LAMA2: variants seen among roughly 807,000 people sequenced by gnomAD.
LAMA2 encodes laminin subunit alpha 2, also known as laminin subunit alpha-2.
Under a neutral mutation model 364.8 loss-of-function variants are expected in LAMA2, and 269 were observed. The observed-to-expected ratio is 0.74, with a 90% CI of 0.67 to 0.82. The LOEUF is 0.82. LAMA2 is among the 40% of genes least tolerant of loss of function. LAMA2 has a pLI of 0.00. For missense variants in LAMA2, 3,807 were observed against 3,873.2 expected, an observed-to-expected ratio of 0.98 and a Z score of 0.45; for synonymous variants, 1,379 against 1,370.6, an observed-to-expected ratio of 1.01 and a Z score of -0.14.
intron 48 of LAMA2, among the ~76,000 whole-genome samples, chr6:129,457,505 C>T (rs960882931): frequency 6.6e-6 from 1 of 151,994 alleles, no homozygotes; most frequent in Non-Finnish European, 1.5e-5. Context: ...AGTCACTTAA[C>T]CCCTTGGGCT....
At chr6:129,226,288 A>G (rs1784269543) in intron 12 of LAMA2, among the ~76,000 whole-genome samples, 1 of 152,138 alleles carries the variant, frequency 6.6e-6, no homozygotes, top group Non-Finnish European at 1.5e-5. Flanking sequence ...GTCTTTATCC[A>G]ATTTGCCAGT....
intron 16 of LAMA2, among the ~76,000 whole-genome samples, chr6:129,268,285 T>C (rs1787652345): frequency 6.6e-6 from 1 of 152,084 alleles, no homozygotes; most frequent in Non-Finnish European, 1.5e-5. Context: ...TTTTTATGAA[T>C]AGAAAGACTA....
chr6:129,056,556 A>G (rs1287948990), intron 2 of LAMA2, among the ~76,000 whole-genome samples: 3 of 152,176 alleles, frequency 2.0e-5, no homozygotes, highest in Admixed American at 6.5e-5. Flanking sequence ...GTACAGTCAT[A>G]TTAAGATTTG....
intron 1 of LAMA2, among the ~76,000 whole-genome samples, chr6:129,021,403 A>C (rs966526065): frequency 6.6e-6 from 1 of 152,198 alleles, no homozygotes; most frequent in Non-Finnish European, 1.5e-5. Flanking sequence ...TTTCAAGTAG[A>C]TTGTAATTGG....
At chr6:129,219,142 G>A (rs1264494029) in intron 12 of LAMA2, among the ~76,000 whole-genome samples, 1 of 152,154 alleles carries the variant, frequency 6.6e-6, no homozygotes, top group Non-Finnish European at 1.5e-5. Flanking sequence ...ATCCATAGGA[G>A]TGTACATATT....
chr6:129,358,352 C>T (rs1337174735), intron 32 of LAMA2, among the ~76,000 whole-genome samples: 1 of 151,930 alleles, frequency 6.6e-6, no homozygotes, highest in Non-Finnish European at 1.5e-5. Flanking sequence ...GTTGAATTAT[C>T]GTATAGAGAC....
chr6:129,053,815 T>C (rs1178005784), intron 2 of LAMA2, among the ~76,000 whole-genome samples: 1 of 152,164 alleles, frequency 6.6e-6, no homozygotes, highest in Non-Finnish European at 1.5e-5. Flanking sequence ...TATAGAAATA[T>C]TCTGTCAAGT....
intron 22 of LAMA2, among the ~76,000 whole-genome samples, chr6:129,302,064 G>A (rs567863556): frequency 6.6e-6 from 1 of 152,236 alleles, no homozygotes; most frequent in Non-Finnish European, 1.5e-5. Flanking sequence ...TTTAATGGGT[G>A]TTTGGGTCAT....
At chr6:129,286,026 A>G (rs1286003609) in intron 18 of LAMA2, among the ~76,000 whole-genome samples, 4 of 152,096 alleles carry the variant, frequency 2.6e-5, no homozygotes, top group African/African-American at 9.7e-5. Context: ...ATCTGCACCA[A>G]ATTAATGGCT....
At chr6:129,091,628 C>T (rs991935688) in intron 3 of LAMA2, among the ~76,000 whole-genome samples, 6 of 152,078 alleles carry the variant, frequency 3.9e-5, no homozygotes, top group South Asian at 2.1e-4. Context: ...AATTACAAAT[C>T]GTTTCACTAT....
chr6:129,159,919 A>C (rs1367294344), intron 8 of LAMA2, among the ~76,000 whole-genome samples: 1 of 152,204 alleles, frequency 6.6e-6, no homozygotes, highest in African/African-American at 2.4e-5. Context: ...GAATTTTAAA[A>C]TATGAAGGCA....
intron 10 of LAMA2, among the ~76,000 whole-genome samples, chr6:129,183,162 A>C (rs949492848): frequency 3.3e-5 from 5 of 152,120 alleles, no homozygotes; most frequent in Admixed American, 2.6e-4. Context: ...GAATTACAAG[A>C]GGCAAGTCAA....
intron 48 of LAMA2, 45 bp downstream of exon 48, chr6:129,456,539 T>A: frequency 6.6e-7 from 1 of 1,524,544 alleles, no homozygotes; most frequent in Non-Finnish European, 9.1e-7. Context: ...TTTGTTGACA[T>A]CTCCTGACAT....
At chr6:128,933,994 A>G (rs1779656799) in intron 1 of LAMA2, among the ~76,000 whole-genome samples, 1 of 152,140 alleles carries the variant, frequency 6.6e-6, no homozygotes, top group African/African-American at 2.4e-5. Context: ...CGGGTGTCGT[A>G]CCCCAAAAAT....
At chr6:129,508,386 A>AC (rs1786279753) in intron 62 of LAMA2, among the ~76,000 whole-genome samples, 1 of 151,080 alleles carries the variant, frequency 6.6e-6, no homozygotes, top group Non-Finnish European at 1.5e-5. Flanking sequence ...CAATCTGATT[A>AC]TACTCTTTTA....
At chr6:129,014,069 C>T (rs1455014168) in intron 1 of LAMA2, among the ~76,000 whole-genome samples, 2 of 152,058 alleles carry the variant, frequency 1.3e-5, no homozygotes, top group African/African-American at 4.8e-5. Context: ...TCTTGAGCAA[C>T]TGCATGGATG....
At chr6:129,117,166 C>T (rs530698702) in intron 4 of LAMA2, among the ~76,000 whole-genome samples, 55 of 152,196 alleles carry the variant, frequency 3.6e-4, no homozygotes, top group African/African-American at 1.0e-3. Context: ...ACTTTCAAGA[C>T]GAACATTTTA....
At chr6:129,120,037 C>A (rs903620189) in intron 4 of LAMA2, among the ~76,000 whole-genome samples, 1 of 151,930 alleles carries the variant, frequency 6.6e-6, no homozygotes, top group Admixed American at 6.6e-5. Context: ...TATACTAATG[C>A]GAGATAGAGA....
intron 12 of LAMA2, among the ~76,000 whole-genome samples, chr6:129,195,563 C>T (rs1781787659): frequency 6.6e-6 from 1 of 152,070 alleles, no homozygotes; most frequent in African/African-American, 2.4e-5. Flanking sequence ...GGAGTTGTTC[C>T]TCCAATTTTT....
Sources: allele counts gnomAD v4.1 joint callset (sites outside exome capture counted in the v4.1 genomes callset), GRCh38; gene constraint gnomAD v4.1.1; transcripts MANE v1.5; gene names NCBI Gene and HGNC (gene_info 2026-07-23, HGNC 2026-07-21).